DEF6: variants seen among roughly 807,000 people sequenced by gnomAD.
DEF6 encodes the protein differentially expressed in FDCP 6 homolog.
DEF6 carries 32 observed loss-of-function variants against 80.5 expected under a neutral mutation model. That is an observed-to-expected ratio of 0.40 (90% CI 0.30 to 0.53). The LOEUF (loss-of-function observed/expected upper bound fraction) is 0.53. Ranked by LOEUF, DEF6 falls within the 20% of genes least tolerant of loss-of-function variation. The pLI, the probability that DEF6 is intolerant of heterozygous loss-of-function variation, is 0.57. For synonymous variants in DEF6, 300 were observed against 337.9 expected, an observed-to-expected ratio of 0.89 and a Z score of 1.23; for missense variants, 575 against 818.7, an observed-to-expected ratio of 0.70 and a Z score of 3.63.
Position 35,321,446 on chromosome 6 carries a change from C to A in DEF6, c.*36C>A. On this transcript the variant is annotated 3_prime_UTR_variant, in exon 11 of 11. Coordinates refer to ENST00000316637, the MANE Select transcript of DEF6 (RefSeq NM_022047.4). ...CCCCTTGTTCTTCCCAATGTCATAT[C>A]CACCAGGACCTGGCCACAGCTGGCC... 1.3e-6 allele frequency: 2 copies of A among 1,577,446 alleles called. No homozygotes were observed. The highest frequency in any genetic ancestry group is 1.3e-5 in the African/African-American group (1 of 74,378).
Position 35,309,698 on chromosome 6 carries a change from T to G in DEF6, c.125T>G (p.Leu42Arg). The G allele has an allele frequency of 6.2e-7, 1 of 1,613,990 alleles. No homozygotes were observed. Among genetic ancestry groups the G allele is most frequent in the Non-Finnish European group, 8.5e-7 (1 of 1,179,976 alleles). The change falls in exon 2 of 11, where the codon CTG becomes CGG. Residue 42 changes from leucine to arginine, a missense_variant. By Grantham distance (102) the Leu-to-Arg change is moderately radical. Coordinates refer to ENST00000316637, the MANE Select transcript of DEF6 (RefSeq NM_022047.4). ...CTGTCCCACAACCTGTACACGGTCC[T>G]GCACATCCCCCATGACCCCGTGGCC... ...KVLSHNLYTV[L>R]HIPHDPVALE...
chr6:35,320,825 C>A, intron 9 of DEF6, 59 bp from the exon 10 acceptor site: 1 of 1,491,326 alleles, frequency 6.7e-7, no homozygotes, highest in South Asian at 1.2e-5. Flanking sequence ...CTGAAAAGAT[C>A]AAGACTCCAT....
At position 35,297,865 on chromosome 6, in the gene DEF6, G is replaced by A. The variant is rs1221770663; in HGVS notation, c.9G>A (p.Leu3=). 1 of 1,601,172 alleles carries A rather than the reference G, an allele frequency of 6.2e-7. No individual in the cohort carries two copies. Among genetic ancestry groups the A allele is most frequent in the Non-Finnish European group, 8.5e-7 (1 of 1,174,864 alleles). The change falls in exon 1 of 11, where the codon CTG becomes CTA. Residue 3 remains leucine, a synonymous_variant. Transcript: ENST00000316637. ...GGGCGGGCGCCTCAGCCATGGCCCT[G>A]CGCAAGGAACTGCTCAAGTCCATCT... The part of the protein sequence containing the change: MA[L]RKELLKSIWY...
chr6:35,319,537 T>A lies in DEF6; in HGVS notation c.1229T>A (p.Met410Lys). The change falls in exon 8 of 11, where the codon ATG becomes AAG. Residue 410 changes from methionine (M) to lysine (K), a missense_variant. Physicochemically the swap from Met to Lys is moderately conservative, Grantham distance 95 (BLOSUM62 -1). Transcript: ENST00000316637. The surrounding 1 kb of genome is among the most constrained non-coding windows in gnomAD (Gnocchi z 4.5). ...CCCCCTCCACAGGCCCGGGCCTCCA[T>A]GCAGGCTGAGATGGAGCTGAAGGAG... ...LREAEQARASMQAEMELKEEE... is the reference protein window; with the variant it reads ...LREAEQARASKQAEMELKEEE... 6.4e-7 allele frequency: 1 copy of A among 1,564,156 alleles called. No individual in the cohort carries two copies. Among genetic ancestry groups the A allele is most frequent in the Non-Finnish European group, 8.7e-7 (1 of 1,149,746 alleles).
Position 35,309,679 on chromosome 6 carries a change from C to T in DEF6, c.106C>T (p.His36Tyr). ...VSKSQLKVLS[H>Y]NLYTVLHIPH... ...CTCTACTCTATCCCAGGTGCTGTCC[C>T]ACAACCTGTACACGGTCCTGCACAT... Residue 36 changes from histidine (H) to tyrosine (Y), a missense_variant, in exon 2 of 11, where the codon CAC becomes TAC. His to Tyr is a moderately conservative substitution (Grantham distance 83). Coordinates refer to ENST00000316637, the MANE Select transcript of DEF6 (RefSeq NM_022047.4). 2 of 1,613,862 alleles carry T rather than the reference C, an allele frequency of 1.2e-6. No individual in the cohort carries two copies. The highest frequency in any genetic ancestry group is 1.7e-4 in the Middle Eastern group (1 of 6,058).
At chr6:35,298,412 C>T (rs895297733) in intron 1 of DEF6, among the ~76,000 whole-genome samples, 4 of 152,288 alleles carry the variant, frequency 2.6e-5, no homozygotes, top group East Asian at 1.9e-4. Context: ...ATAAAGGGGC[C>T]GCCCCCAGTC....
At chr6:35,316,101 T>C in intron 5 of DEF6, 1 of 167,528 alleles carries the variant, frequency 6.0e-6, no homozygotes, top group Non-Finnish European at 1.3e-5. Flanking sequence ...ACTCCTGACC[T>C]CAGATGATCT....
chr6:35,313,352 CAG>C (rs1365100563), intron 5 of DEF6: 15 of 418,504 alleles, frequency 3.6e-5, no homozygotes, highest in African/African-American at 2.1e-4. Flanking sequence ...TGATATATAA[CAG>C]ATGTACATAT....
Position 35,318,369 on chromosome 6 carries a change from G to C in DEF6, c.1113G>C (p.Gln371His). ...AGCTGGAGCTGCTGCAGGAGGCGCA[G>C]CGGCAGGCCGAGCGGCTGCTGCAGG... ...LQELELLQEA[Q>H]RQAERLLQEE... is the part of the protein sequence containing the mutation. Residue 371 changes from glutamine (Q) to histidine (H), a missense_variant, in exon 7 of 11, where the codon CAG becomes CAC. Gln to His is a conservative substitution (Grantham distance 24, BLOSUM62 0). Coordinates refer to ENST00000316637, the MANE Select transcript of DEF6 (RefSeq NM_022047.4). The surrounding 1 kb of genome is among the most constrained non-coding windows in gnomAD (Gnocchi z 5.1). The C allele has an allele frequency of 6.5e-7, 1 of 1,539,608 alleles. No homozygotes were observed. The highest frequency in any genetic ancestry group is 8.7e-7 in the Non-Finnish European group (1 of 1,145,790).
chr6:35,302,961 C>T (rs1413530889), intron 1 of DEF6, among the ~76,000 whole-genome samples: 1 of 152,162 alleles, frequency 6.6e-6, no homozygotes, highest in Non-Finnish European at 1.5e-5. Flanking sequence ...GGGCTGAGGA[C>T]TGATGGAGAT....
chr6:35,315,576 C>T (rs1791515879), intron 5 of DEF6, among the ~76,000 whole-genome samples: 1 of 152,028 alleles, frequency 6.6e-6, no homozygotes, highest in African/African-American at 2.4e-5. Flanking sequence ...TTTTCCAATA[C>T]ATAGCATGGG....
At chr6:35,307,409 A>G (rs368890108) in intron 1 of DEF6, among the ~76,000 whole-genome samples, 1 of 152,244 alleles carries the variant, frequency 6.6e-6, no homozygotes, top group Non-Finnish European at 1.5e-5. Flanking sequence ...AAAAAAAGAT[A>G]AGGACACGGG....
Position 35,321,515 on chromosome 6 carries a change from T to A in DEF6, c.*105T>A. 1 of 1,100,844 alleles carries A rather than the reference T, an allele frequency of 9.1e-7. No homozygotes were observed. Among genetic ancestry groups the A allele is most frequent in the Non-Finnish European group, 1.3e-6 (1 of 769,062 alleles). The allele number at this position is 1,100,844 out of a possible 1,614,324, so 68.2% of individuals were successfully genotyped here. A position where few individuals can be genotyped will look rare whatever the true frequency, so the allele number is the denominator to read the frequency against. Reference sequence around the variant, plus strand: ...TTACTAGGAGAGGGAGCTGAGGTCCTGGTGCCAGGGGCCCAGGCCCTCCAA... The same window carrying A: ...TTACTAGGAGAGGGAGCTGAGGTCCAGGTGCCAGGGGCCCAGGCCCTCCAA... On this transcript the variant is annotated 3_prime_UTR_variant, in exon 11 of 11. Coordinates refer to ENST00000316637, the MANE Select transcript of DEF6 (RefSeq NM_022047.4).
In DEF6 at chr6:35,321,550, G is replaced by A; in HGVS notation, c.*140G>A. On this transcript the variant is annotated 3_prime_UTR_variant, in exon 11 of 11. Coordinates refer to ENST00000316637, the MANE Select transcript of DEF6 (RefSeq NM_022047.4). ...GGCCCAGGCCCTCCAACCATAAACA[G>A]TCCAGGATGGAACCTGGTTCACCCT... 1.4e-6 allele frequency: 1 copy of A among 707,720 alleles called. No homozygotes were observed. The highest frequency in any genetic ancestry group is 2.0e-5 in the South Asian group (1 of 50,852). 43.8% of individuals were successfully genotyped at this position (707,720 alleles called of 1,614,324 possible). A position where few individuals can be genotyped will look rare whatever the true frequency, so the allele number is the denominator to read the frequency against.
At chr6:35,316,664 T>C (rs73409793) in intron 5 of DEF6, among the ~76,000 whole-genome samples, 4,066 of 152,334 alleles carry the variant, frequency 0.027, 68 homozygotes, top group Middle Eastern at 0.054. Context: ...TGATCATATA[T>C]GGTTTTTGCT....
chr6:35,319,643 G>A lies in DEF6; in HGVS notation c.1335G>A (p.Glu445=). 6.2e-7 allele frequency: 1 copy of A among 1,613,794 alleles called. No individual in the cohort carries two copies. The highest frequency in any genetic ancestry group is 8.5e-7 in the Non-Finnish European group (1 of 1,179,780). The stretch of plus-strand genomic sequence containing the variant: ...GGTTGCAGGAGGCCCTGCAACTAGA[G>A]GTGAAAGCTCGGCGAGATGAAGAAT... ...QQRLQEALQL[E]VKARRDEESV... Residue 445 remains glutamate (E), a synonymous_variant, in exon 8 of 11, where the codon GAG becomes GAA. Transcript: ENST00000316637. This position sits in a 1 kb window ranked among gnomAD's most constrained non-coding sequence, Gnocchi z 4.5.
chr6:35,315,376 G>A (rs1001148001), intron 5 of DEF6, among the ~76,000 whole-genome samples: 5 of 151,988 alleles, frequency 3.3e-5, no homozygotes, highest in African/African-American at 1.2e-4. Flanking sequence ...TTTGAAGTCA[G>A]GAAATGTGAT....
Position 35,318,192 on chromosome 6 carries a change from G to A in DEF6, c.936G>A (p.Arg312=), listed in dbSNP as rs762175022. 9.5e-6 allele frequency: 15 copies of A among 1,572,328 alleles called. No homozygotes were observed. In the Admixed American group the frequency reaches 1.1e-4, roughly 12 times the overall value. Reference sequence around the variant, plus strand: ...CGGCAGCCATCCAGATGGCGATCCGGCTGCAGGCCGAGGGGAAGACGTCCC... The same window carrying A: ...CGGCAGCCATCCAGATGGCGATCCGACTGCAGGCCGAGGGGAAGACGTCCC... ...EWTAAIQMAI[R]LQAEGKTSLH... The change falls in exon 7 of 11, where the codon CGG becomes CGA. Residue 312 remains arginine (R), a synonymous_variant. Transcript: ENST00000316637. This position sits in a 1 kb window ranked among gnomAD's most constrained non-coding sequence, Gnocchi z 5.1.
chr6:35,308,671 TCAAAATAAAATAAAA>T (rs1352128304), intron 1 of DEF6, among the ~76,000 whole-genome samples: 1 of 85,386 alleles, frequency 1.2e-5, no homozygotes, highest in Non-Finnish European at 2.1e-5. Context: ...AGACTCCGTC[TCAAAATAAAATAAAA>T]TAAAATAAAA....
Sources: gnomAD v4.1 joint callset for allele counts (sites outside exome capture counted in the v4.1 genomes callset) on GRCh38, gnomAD v4.1.1 for gene constraint, Gnocchi (gnomAD v3.1) non-coding constraint, MANE v1.5 for transcripts, NCBI Gene and HGNC (gene_info 2026-07-23, HGNC 2026-07-21) for gene names.